TBCD: variants seen among roughly 807,000 people sequenced by gnomAD.
TBCD encodes the protein tubulin folding cofactor D.
Under a neutral mutation model 169.3 loss-of-function variants are expected in TBCD, and 105 were observed. That is an observed-to-expected ratio of 0.62 (90% CI 0.53 to 0.73). TBCD has a LOEUF of 0.73. Among genes scored for constraint, TBCD ranks in the 30% least tolerant of loss-of-function variants. The pLI, the probability that TBCD is intolerant of heterozygous loss-of-function variation, is 0.00. For missense variants in TBCD, 1,444 were observed against 1,600.1 expected, an observed-to-expected ratio of 0.90 and a Z score of 1.66; for synonymous variants, 700 against 643.9, an observed-to-expected ratio of 1.09 and a Z score of -1.32.
At chr17:82,907,727 G>C (rs1031228492) in intron 20 of TBCD, 34 bp from the exon 21 acceptor site, 1 of 1,612,468 alleles carries the variant, frequency 6.2e-7, no homozygotes, top group Non-Finnish European at 8.5e-7. Context: ...GTCTTGGGGA[G>C]TGTGACTTCA....
rs115246875 is a variant in TBCD, at chr17:82,810,037, C to T, written c.1223+255C>T. On this transcript the variant is annotated intron_variant, in intron 12 of 38. Transcript: ENST00000355528. ...ACATATACCCATGTAGATGTTTATT[C>T]TGAAAGGAAAAGCTCTACTGAGTGA... Among the ~76,000 whole-genome samples, 715 of 152,218 alleles carry T rather than the reference C, an allele frequency of 4.7e-3. 6 individuals carry two copies. Among genetic ancestry groups the T allele is most frequent in the African/African-American group, 0.016 (684 of 41,520 alleles).
chr17:82,864,569 G>A lies in TBCD; in HGVS notation c.1319-5655G>A, dbSNP rs2057016450. 6.6e-6 allele frequency: 1 copy of A among 152,388 alleles called. No individual in the cohort carries two copies. The highest frequency in any genetic ancestry group is 1.5e-5 in the Non-Finnish European group (1 of 68,154). The allele number at this position is 152,388 out of a possible 1,614,324, so 9.4% of individuals were successfully genotyped here. ...ACTGTCCCCAGCACCTTGACAGAGGGTCCTTGACTCTGCGACCCTGCACAG... is the reference window on the plus strand; with the variant it reads ...ACTGTCCCCAGCACCTTGACAGAGGATCCTTGACTCTGCGACCCTGCACAG... On this transcript the variant is annotated intron_variant, in intron 13 of 38. Coordinates refer to ENST00000355528, the MANE Select transcript of TBCD (RefSeq NM_005993.5). The surrounding 1 kb of genome is among the most constrained non-coding windows in gnomAD (Gnocchi z 6.3).
chr17:82,874,585 C>T lies in TBCD; in HGVS notation c.1475+4205C>T, dbSNP rs922482785. On this transcript the variant is annotated intron_variant, in intron 14 of 38. Transcript: ENST00000355528. The surrounding 1 kb of genome is among the most constrained non-coding windows in gnomAD (Gnocchi z 5.0). ...GCAGACCCAAGGGTGCCCTTGGAGC[C>T]GTGCCCGCCGGCCTGGGTGTCAGGC... Among the ~76,000 whole-genome samples, 2 of 152,148 alleles carry T rather than the reference C, an allele frequency of 1.3e-5. No individual in the cohort carries two copies. Among genetic ancestry groups the T allele is most frequent in the African/African-American group, 4.8e-5 (2 of 41,438 alleles).
Position 82,942,624 on chromosome 17 carries a change from C to G in TBCD, c.*161C>G. ...AGCTGACAGCTTTTCCTCTCTGCAC[C>G]TGCGCTCTGGTGACTTGGGGTGGAC... On this transcript the variant is annotated 3_prime_UTR_variant, in exon 39 of 39. Coordinates refer to ENST00000355528, the MANE Select transcript of TBCD (RefSeq NM_005993.5). 1.1e-6 allele frequency: 1 copy of G among 888,896 alleles called. No homozygotes were observed. The highest frequency in any genetic ancestry group is 1.8e-6 in the Non-Finnish European group (1 of 562,486). The allele number at this position is 888,896 out of a possible 1,614,324, so 55.1% of individuals were successfully genotyped here.
chr17:82,781,324 G>C lies in TBCD; in HGVS notation c.639-265G>C, dbSNP rs1372281588. Among the ~76,000 whole-genome samples, 7 of 141,178 alleles carry C rather than the reference G, an allele frequency of 5.0e-5. No homozygotes were observed. In the South Asian group the frequency reaches 1.1e-3, roughly 21 times the overall value. The allele number at this position is 141,178 out of a possible 152,430, so 92.6% of individuals were successfully genotyped here. A position where few individuals can be genotyped will look rare whatever the true frequency, so the allele number is the denominator to read the frequency against. ...GGGGGTGGAGGGGGCAGGCGGGGGG[G>C]GATGGGCAGTAGGCCTGCGACCTGA... On this transcript the variant is annotated intron_variant, in intron 6 of 38. Coordinates refer to ENST00000355528, the MANE Select transcript of TBCD (RefSeq NM_005993.5).
At chr17:82,836,911 CG>C in intron 13 of TBCD, among the ~76,000 whole-genome samples, 1 of 152,162 alleles carries the variant, frequency 6.6e-6, no homozygotes, top group East Asian at 1.9e-4. Flanking sequence ...TTCACGTAAG[CG>C]GGTGTGGCAG....
Position 82,758,384 on chromosome 17 carries a change from G to GGAAAAAAAAAAA in TBCD, c.235+2169_235+2170insGAAAAAAAAAAA, listed in dbSNP as rs1555672563. On this transcript the variant is annotated intron_variant, in intron 2 of 38. Coordinates refer to ENST00000355528, the MANE Select transcript of TBCD (RefSeq NM_005993.5). ...GGGCAACAAGAACGAAAACGTCTCG[G>GGAAAAAAAAAAA]AAAAAAAAAAAAAAAAAAATAAATA... is the stretch of plus-strand genomic sequence containing the variant. 1.6e-4 allele frequency among the ~76,000 whole-genome samples: 4 copies of GGAAAAAAAAAAA among 25,018 alleles called. No homozygotes were observed. In the Admixed American group the frequency reaches 2.3e-3, roughly 15 times the overall value. 16.4% of individuals were successfully genotyped at this position (25,018 alleles called of 152,430 possible). A position where few individuals can be genotyped will look rare whatever the true frequency, so the allele number is the denominator to read the frequency against.
chr17:82,816,266 A>C (rs540026069), intron 13 of TBCD, among the ~76,000 whole-genome samples: 34 of 152,250 alleles, frequency 2.2e-4, no homozygotes, highest in South Asian at 1.5e-3. Flanking sequence ...AATGCACCAC[A>C]CGCCACGTTT....
chr17:82,762,506 T>C (rs567198831), intron 2 of TBCD, among the ~76,000 whole-genome samples: 2 of 152,202 alleles, frequency 1.3e-5, no homozygotes, highest in Admixed American at 1.3e-4. Context: ...TCTAGCACTT[T>C]GGGAGACTGA....
At chr17:82,845,311 G>A (rs891079498) in intron 13 of TBCD, among the ~76,000 whole-genome samples, 13 of 149,490 alleles carry the variant, frequency 8.7e-5, no homozygotes, top group African/African-American at 7.5e-5. Context: ...CATCCTGTCC[G>A]GCCTGGCCCC....
chr17:82,859,053 G>A (rs921004737), intron 13 of TBCD, among the ~76,000 whole-genome samples: 1 of 152,118 alleles, frequency 6.6e-6, no homozygotes, highest in African/African-American at 2.4e-5. Flanking sequence ...TGGGGAGCCT[G>A]CCGGCTCTGT....
At chr17:82,906,608 C>A (rs989439765) in intron 20 of TBCD, among the ~76,000 whole-genome samples, 1 of 152,204 alleles carries the variant, frequency 6.6e-6, no homozygotes, top group Non-Finnish European at 1.5e-5. Flanking sequence ...TCTTCCCAGT[C>A]GAGTCTTCCT....
intron 9 of TBCD, among the ~76,000 whole-genome samples, chr17:82,804,016 C>T (rs1193810994): frequency 1.8e-5 from 2 of 113,986 alleles, no homozygotes; most frequent in Admixed American, 1.8e-4. Flanking sequence ...GGCCGGGGTG[C>T]ACCTGCCTGT....
chr17:82,842,786 T>C (rs2054631692), intron 13 of TBCD, among the ~76,000 whole-genome samples: 1 of 146,022 alleles, frequency 6.8e-6, no homozygotes, highest in African/African-American at 2.6e-5. Context: ...CTTTCTTTTT[T>C]TTTTTTTTTT....
Position 82,800,970 on chromosome 17 carries a change from C to G in TBCD, c.924C>G (p.Phe308Leu). Residue 308 changes from phenylalanine (F) to leucine (L), a missense_variant, in exon 9 of 39, where the codon TTC (phenylalanine) becomes TTG (leucine). Physicochemically the swap from Phe to Leu is conservative, Grantham distance 22. Transcript: ENST00000355528. Reference protein sequence around the residue: ...VKLVQRLGLTFLKPKVAAWRY... With the variant: ...VKLVQRLGLTLLKPKVAAWRY... ...TTGTGCAGCGACTGGGGCTGACATT[C>G]CTGAAGCCGAAGGTGGCAGCATGGA... 2 of 1,611,306 alleles carry G rather than the reference C, an allele frequency of 1.2e-6. No individual in the cohort carries two copies. Among genetic ancestry groups the G allele is most frequent in the Non-Finnish European group, 1.7e-6 (2 of 1,179,166 alleles).
chr17:82,883,102 C>T (rs1375404372), intron 14 of TBCD, among the ~76,000 whole-genome samples: 1 of 152,250 alleles, frequency 6.6e-6, no homozygotes. Flanking sequence ...CCTGGCGTCA[C>T]CATTGTCCCC....
intron 13 of TBCD, among the ~76,000 whole-genome samples, chr17:82,850,753 C>T (rs2055723801): frequency 2.0e-5 from 3 of 152,202 alleles, no homozygotes; most frequent in Admixed American, 1.3e-4. Context: ...CTGATCCATC[C>T]CTGCATTGAA....
Position 82,832,279 on chromosome 17 carries a change from T to C in TBCD, c.1318+17345T>C. On this transcript the variant is annotated intron_variant, in intron 13 of 38. Coordinates refer to ENST00000355528, the MANE Select transcript of TBCD (RefSeq NM_005993.5). This position sits in a 1 kb window ranked among gnomAD's most constrained non-coding sequence, Gnocchi z 4.9. ...TTTAGGGCACTTGGGAACTCGATCCTGCTCTGATACTAAAGTAATCGAGTT... is the reference window on the plus strand; with the variant it reads ...TTTAGGGCACTTGGGAACTCGATCCCGCTCTGATACTAAAGTAATCGAGTT... 1 of 1,614,254 alleles carries C rather than the reference T, an allele frequency of 6.2e-7. No individual in the cohort carries two copies. Among genetic ancestry groups the C allele is most frequent in the Non-Finnish European group, 8.5e-7 (1 of 1,180,048 alleles).
intron 8 of TBCD, among the ~76,000 whole-genome samples, chr17:82,798,741 T>C (rs1237115937): frequency 7.6e-6 from 1 of 131,116 alleles, no homozygotes; most frequent in Non-Finnish European, 1.7e-5. Flanking sequence ...TTTGCCTTCT[T>C]CCTAATTCTC....
Sources: allele counts gnomAD v4.1 joint callset (sites outside exome capture counted in the v4.1 genomes callset), GRCh38; gene constraint gnomAD v4.1.1; non-coding constraint Gnocchi (gnomAD v3.1); transcripts MANE v1.5; gene names NCBI Gene and HGNC (gene_info 2026-07-23, HGNC 2026-07-21).